The following CEP128 variants were observed in gnomAD, a reference collection of about 807,000 sequenced individuals.
CEP128 encodes centrosomal protein 128, also known as centrosomal protein 128kDa.
Under a neutral mutation model 156.7 loss-of-function variants are expected in CEP128, and 132 were observed. The ratio of observed to expected loss-of-function variants is 0.84; its 90% confidence interval spans 0.73 to 0.97. CEP128 has a LOEUF of 0.97. CEP128 is among the 50% of genes least tolerant of loss of function. CEP128 has a pLI of 0.00. For missense variants in CEP128, 1,252 were observed against 1,281.9 expected (o/e 0.98, Z 0.36); for synonymous variants, 469 against 448.9 (o/e 1.04, Z -0.57).
At chr14:80,683,173 A>G (rs2139262821) in intron 19 of CEP128, among the ~76,000 whole-genome samples, 1 of 152,306 alleles carries the variant, frequency 6.6e-6, no homozygotes, top group East Asian at 1.9e-4. Flanking sequence ...CTTTAAAGGC[A>G]CAGGGTGGCA....
intron 19 of CEP128, among the ~76,000 whole-genome samples, chr14:80,608,528 G>C (rs558968918): frequency 1.3e-5 from 2 of 151,956 alleles, no homozygotes; most frequent in African/African-American, 4.8e-5. Flanking sequence ...CTACATTCCC[G>C]GCAGGACCCA....
intron 20 of CEP128, among the ~76,000 whole-genome samples, chr14:80,579,243 G>A (rs1891486124): frequency 6.6e-6 from 1 of 151,812 alleles, no homozygotes; most frequent in Admixed American, 6.6e-5. Flanking sequence ...ATAACAACAA[G>A]CATTGCTGAT....
At chr14:80,660,288 C>A (rs1895343451) in intron 19 of CEP128, among the ~76,000 whole-genome samples, 1 of 152,052 alleles carries the variant, frequency 6.6e-6, no homozygotes, top group African/African-American at 2.4e-5. Context: ...AATTTAAAGC[C>A]TTCAGCTTCT....
intron 18 of CEP128, among the ~76,000 whole-genome samples, chr14:80,747,009 T>C (rs1899135900): frequency 6.6e-6 from 1 of 152,004 alleles, no homozygotes; most frequent in Non-Finnish European, 1.5e-5. Context: ...ATCAGGAAAA[T>C]GTAAATCAAA....
At chr14:80,752,381 A>G (rs1899440030) in intron 18 of CEP128, among the ~76,000 whole-genome samples, 2 of 152,176 alleles carry the variant, frequency 1.3e-5, no homozygotes, top group Admixed American at 1.3e-4. Context: ...TACTTTCTCT[A>G]CCTTTTCACT....
At chr14:80,594,277 A>G (rs979388578) in intron 19 of CEP128, among the ~76,000 whole-genome samples, 3 of 152,214 alleles carry the variant, frequency 2.0e-5, no homozygotes, top group Admixed American at 2.0e-4. Flanking sequence ...ATATGCAGAA[A>G]ACTGAAACTG....
intron 19 of CEP128, among the ~76,000 whole-genome samples, chr14:80,636,854 A>G (rs1894201929): frequency 6.6e-6 from 1 of 152,160 alleles, no homozygotes; most frequent in Non-Finnish European, 1.5e-5. Context: ...TGGGAGGCCA[A>G]CACGGGCAGA....
chr14:80,574,557 C>T (rs1891276340), intron 20 of CEP128, among the ~76,000 whole-genome samples: 1 of 152,134 alleles, frequency 6.6e-6, no homozygotes, highest in South Asian at 2.1e-4. Flanking sequence ...TAATGACAGT[C>T]GCATTCTTTG....
At chr14:80,599,575 G>A (rs1196245082) in intron 19 of CEP128, among the ~76,000 whole-genome samples, 1 of 151,514 alleles carries the variant, frequency 6.6e-6, no homozygotes, top group Non-Finnish European at 1.5e-5. Flanking sequence ...GCGCCCGGCT[G>A]AGTCATATTC....
At chr14:80,651,934 T>A (rs1195628354) in intron 19 of CEP128, among the ~76,000 whole-genome samples, 1 of 152,118 alleles carries the variant, frequency 6.6e-6, no homozygotes, top group Non-Finnish European at 1.5e-5. Flanking sequence ...CTATTAGGTC[T>A]GCTTGGTCCA....
intron 20 of CEP128, 98 bp from the exon 21 acceptor site, chr14:80,559,400 T>A (rs1890575307): frequency 1.1e-6 from 1 of 928,350 alleles, no homozygotes; most frequent in Non-Finnish European, 1.6e-6. Context: ...CATCTATTAT[T>A]AATAATTCAT....
At chr14:80,938,601 C>T (rs1017848858) in intron 2 of CEP128, among the ~76,000 whole-genome samples, 3 of 152,036 alleles carry the variant, frequency 2.0e-5, no homozygotes, top group African/African-American at 7.2e-5. Context: ...GTTTCAGAGC[C>T]TTTTATCTAT....
intron 1 of CEP128, 85 bp from the exon 2 acceptor site, chr14:80,939,625 T>G (rs1442993798): frequency 6.6e-6 from 1 of 152,212 alleles, no homozygotes; most frequent in Admixed American, 6.5e-5. Flanking sequence ...TAAGTCCCTA[T>G]GTACAGACTA....
intron 19 of CEP128, among the ~76,000 whole-genome samples, chr14:80,596,217 C>T (rs569636596): frequency 6.6e-5 from 10 of 151,920 alleles, no homozygotes; most frequent in East Asian, 5.8e-4. Context: ...GAACATGGCC[C>T]GATGTTATGC....
chr14:80,735,231 T>C (rs1026020710), intron 19 of CEP128, among the ~76,000 whole-genome samples: 2 of 152,126 alleles, frequency 1.3e-5, no homozygotes, highest in African/African-American at 4.8e-5. Context: ...GACTACGTAA[T>C]ATCAAGGGCC....
At chr14:80,523,777 A>G (rs143872761) in intron 23 of CEP128, among the ~76,000 whole-genome samples, 4 of 152,350 alleles carry the variant, frequency 2.6e-5, no homozygotes, top group African/African-American at 9.6e-5. Context: ...ATTGGCAAAT[A>G]CAGAAAAAGG....
At position 80,526,939 on chromosome 14, in the gene CEP128, T is replaced by C. The variant is rs1204510161; in HGVS notation, c.3002A>G (p.Lys1001Arg). 13 of 1,610,296 alleles carry C rather than the reference T, an allele frequency of 8.1e-6. No individual in the cohort carries two copies. Among genetic ancestry groups the C allele is most frequent in the African/African-American group, 4.0e-5 (3 of 74,800 alleles). ...AAGAGAATTTCTGCGAACCCTGTAT[T>C]TGGAATATCTTCCATCAGTTCTCTC... ...SSERTDGRYSKYRVRRNSLQH... is the reference protein window; with the variant it reads ...SSERTDGRYSRYRVRRNSLQH... Residue 1001 changes from lysine (K) to arginine (R), a missense_variant, in exon 23 of 25, where the codon AAA becomes AGA. Lys to Arg is a conservative substitution (Grantham distance 26). Coordinates refer to ENST00000555265, the MANE Select transcript of CEP128 (RefSeq NM_152446.5).
At chr14:80,800,533 C>T (rs926833772) in intron 13 of CEP128, among the ~76,000 whole-genome samples, 1 of 152,108 alleles carries the variant, frequency 6.6e-6, no homozygotes, top group African/African-American at 2.4e-5. Flanking sequence ...AGTATTGATT[C>T]CACTTCACTA....
intron 8 of CEP128, among the ~76,000 whole-genome samples, chr14:80,881,650 T>C (rs780874603): frequency 6.6e-6 from 1 of 152,176 alleles, no homozygotes; most frequent in Non-Finnish European, 1.5e-5. Flanking sequence ...ATATCCTTGA[T>C]GAATACTGAT....
Sources: gnomAD v4.1 joint callset for allele counts (sites outside exome capture counted in the v4.1 genomes callset) on GRCh38, gnomAD v4.1.1 for gene constraint, MANE v1.5 for transcripts, NCBI Gene and HGNC (gene_info 2026-07-23, HGNC 2026-07-21) for gene names.